Variants in LINGO2 observed in about 807,000 individuals in gnomAD.
LINGO2 encodes leucine rich repeat and Ig domain containing 2.
In LINGO2, 14 loss-of-function variants were observed where a neutral mutation model predicts 30.6. That is an observed-to-expected ratio of 0.46 (90% CI 0.30 to 0.72). The LOEUF is 0.72. LINGO2 is among the 30% of genes least tolerant of loss of function. LINGO2 has a pLI of 0.07. For missense variants in LINGO2, 729 were observed against 751.7 expected (o/e 0.97, Z 0.35); for synonymous variants, 317 against 288.5 (o/e 1.10, Z -1.00).
the LINGO2 span, among the ~76,000 whole-genome samples, chr9:28,857,606 C>G: frequency 6.6e-6 from 1 of 151,994 alleles, no homozygotes; most frequent in Non-Finnish European, 1.5e-5. Context: ...ACATAAGGAT[C>G]TAAACTCACA....
chr9:28,992,381 C>A, the LINGO2 span, among the ~76,000 whole-genome samples: 1 of 151,878 alleles, frequency 6.6e-6, no homozygotes. Flanking sequence ...CCTCAGTGAC[C>A]TACAAAGAGA....
chr9:28,273,372 G>A (rs1823009385), intron 4 of LINGO2, among the ~76,000 whole-genome samples: 1 of 152,156 alleles, frequency 6.6e-6, no homozygotes, highest in South Asian at 2.1e-4. Flanking sequence ...AAGACAAATG[G>A]AATAGAGCTA....
the LINGO2 span, among the ~76,000 whole-genome samples, chr9:28,905,515 T>C: frequency 9.2e-5 from 14 of 151,964 alleles, no homozygotes; most frequent in East Asian, 1.9e-4. Flanking sequence ...AAAGAAGATA[T>C]AGAAATGGAC....
chr9:28,355,727 A>G (rs777127762), intron 3 of LINGO2, among the ~76,000 whole-genome samples: 2 of 152,100 alleles, frequency 1.3e-5, no homozygotes, highest in Non-Finnish European at 2.9e-5. Flanking sequence ...CTAGGCTAAG[A>G]GAGATTGCTT....
At chr9:28,308,806 A>G (rs1276802639) in intron 3 of LINGO2, among the ~76,000 whole-genome samples, 2 of 152,178 alleles carry the variant, frequency 1.3e-5, no homozygotes, top group Non-Finnish European at 2.9e-5. Flanking sequence ...GAAGACATTT[A>G]TGCAGCCAAA....
chr9:27,994,762 T>C (rs1821572412), intron 5 of LINGO2, among the ~76,000 whole-genome samples: 1 of 152,130 alleles, frequency 6.6e-6, no homozygotes. Flanking sequence ...AGACAGGGAC[T>C]AGGCAGGGAG....
chr9:28,551,113 C>A (rs1001199358), intron 1 of LINGO2, among the ~76,000 whole-genome samples: 2 of 151,816 alleles, frequency 1.3e-5, no homozygotes, highest in Admixed American at 1.3e-4. Context: ...TGAGTAGCCT[C>A]TCTTCCAAAT....
At chr9:28,723,784 T>C in the LINGO2 span, among the ~76,000 whole-genome samples, 2 of 152,060 alleles carry the variant, frequency 1.3e-5, no homozygotes, top group East Asian at 1.9e-4. Flanking sequence ...ACATAAAGTA[T>C]GGAAATAGGT....
the LINGO2 span, among the ~76,000 whole-genome samples, chr9:28,683,673 G>C: frequency 6.6e-6 from 1 of 152,074 alleles, no homozygotes. Flanking sequence ...TGAAATGTTT[G>C]CTTATATTTT....
At chr9:29,075,424 C>A in the LINGO2 span, among the ~76,000 whole-genome samples, 1 of 152,210 alleles carries the variant, frequency 6.6e-6, no homozygotes, top group Non-Finnish European at 1.5e-5. Context: ...TGGAGGAGTG[C>A]ATTTTGAAAT....
intron 1 of LINGO2, among the ~76,000 whole-genome samples, chr9:28,531,716 A>G (rs1821243656): frequency 6.6e-6 from 1 of 152,204 alleles, no homozygotes; most frequent in African/African-American, 2.4e-5. Flanking sequence ...ATTTGTATTA[A>G]CATTTCTGAA....
At chr9:28,985,344 C>T in the LINGO2 span, among the ~76,000 whole-genome samples, 1 of 152,060 alleles carries the variant, frequency 6.6e-6, no homozygotes, top group African/African-American at 2.4e-5. Context: ...GCAGACACCT[C>T]CGACAAACTG....
At chr9:29,037,342 A>G in the LINGO2 span, among the ~76,000 whole-genome samples, 3 of 151,990 alleles carry the variant, frequency 2.0e-5, no homozygotes, top group Non-Finnish European at 2.9e-5. Flanking sequence ...ATATGTTATG[A>G]ATAAGTGGTT....
the LINGO2 span, chr9:27,942,972 C>T: frequency 6.6e-6 from 1 of 152,114 alleles, no homozygotes; most frequent in South Asian, 2.1e-4. Context: ...TTCCAAACAG[C>T]CTCTATGCAA....
intron 1 of LINGO2, among the ~76,000 whole-genome samples, chr9:28,578,642 A>C (rs2135636969): frequency 6.6e-6 from 1 of 152,230 alleles, no homozygotes; most frequent in South Asian, 2.1e-4. Flanking sequence ...TTAGAAAAAT[A>C]TCCTTCTTTT....
the LINGO2 span, among the ~76,000 whole-genome samples, chr9:29,012,085 C>T: frequency 2.0e-5 from 3 of 152,058 alleles, no homozygotes; most frequent in Non-Finnish European, 2.9e-5. Flanking sequence ...TGGCTGGGCA[C>T]GGTGGCTCAC....
chr9:28,430,497 T>A (rs1823620129), intron 2 of LINGO2, among the ~76,000 whole-genome samples: 1 of 152,192 alleles, frequency 6.6e-6, no homozygotes, highest in Admixed American at 6.5e-5. Context: ...TAATTTCTCT[T>A]TCATTCCAAT....
At chr9:28,743,358 C>T in the LINGO2 span, among the ~76,000 whole-genome samples, 15 of 151,966 alleles carry the variant, frequency 9.9e-5, no homozygotes, top group Admixed American at 4.6e-4. Flanking sequence ...CGACAGGCCC[C>T]GGTGTGTGAT....
intron 3 of LINGO2, among the ~76,000 whole-genome samples, chr9:28,356,598 A>T (rs964556920): frequency 1.3e-5 from 2 of 152,130 alleles, no homozygotes; most frequent in Non-Finnish European, 2.9e-5. Flanking sequence ...AACTTCCACA[A>T]TCCTAAGCAA....
Sources: allele counts gnomAD v4.1 joint callset (sites outside exome capture counted in the v4.1 genomes callset), GRCh38; gene constraint gnomAD v4.1.1; transcripts MANE v1.5; gene names NCBI Gene and HGNC (gene_info 2026-07-23, HGNC 2026-07-21).